ZC2HC1B: variants seen among roughly 807,000 people sequenced by gnomAD.
The protein encoded by ZC2HC1B is zinc finger C2HC domain-containing protein 1B.
In ZC2HC1B, 36 loss-of-function variants were observed where a neutral mutation model predicts 31.0. That is an observed-to-expected ratio of 1.16 (90% confidence interval 0.89 to 1.54). The LOEUF (loss-of-function observed/expected upper bound fraction) is 1.54. Ranked by LOEUF, ZC2HC1B falls within the 40% of genes most tolerant of loss-of-function variation. ZC2HC1B has a pLI of 0.00. For missense variants in ZC2HC1B, 260 were observed against 268.6 expected (o/e 0.97, Z 0.22); for synonymous variants, 73 against 88.0 (o/e 0.83, Z 0.95).
intron 1 of ZC2HC1B, among the ~76,000 whole-genome samples, chr6:143,867,975 G>A (rs1777287118): frequency 6.6e-6 from 1 of 152,196 alleles, no homozygotes; most frequent in Admixed American, 6.5e-5. Context: ...GAACTTGGAT[G>A]TCTGGAAATA....
At chr6:143,930,224 C>A (rs9484833) in intron 6 of ZC2HC1B, among the ~76,000 whole-genome samples, 80,062 of 151,516 alleles carry the variant, frequency 0.53, 22,942 homozygotes, top group African/African-American at 0.77. Flanking sequence ...GTGTTTAATG[C>A]TAATACTGCT....
chr6:143,909,373 G>T (rs1156376490), intron 6 of ZC2HC1B, among the ~76,000 whole-genome samples: 2 of 151,914 alleles, frequency 1.3e-5, no homozygotes, highest in Non-Finnish European at 2.9e-5. Context: ...CTCCAGCCTG[G>T]GTGACAGAGC....
At chr6:143,936,709 A>T (rs1355814850) in intron 6 of ZC2HC1B, among the ~76,000 whole-genome samples, 2 of 152,204 alleles carry the variant, frequency 1.3e-5, no homozygotes, top group Non-Finnish European at 2.9e-5. Context: ...TGCTTTGTAT[A>T]TTTAGTAGTG....
At position 143,895,836 on chromosome 6, in the gene ZC2HC1B, G is replaced by A. The variant is rs761541; in HGVS notation, c.350-2716G>A. ...CTGAGATCTGGCCACCATATTCCTC[G>A]AAAGAATTCATTTGGACTCTGACTT... On this transcript the variant is annotated intron_variant, in intron 4 of 7. Coordinates refer to ENST00000237275, the MANE Select transcript of ZC2HC1B (RefSeq NM_001013623.3). The surrounding 1 kb of genome is among the most constrained non-coding windows in gnomAD (Gnocchi z 4.8). 0.17 allele frequency among the ~76,000 whole-genome samples: 25,095 copies of A among 151,994 alleles called. 3,977 individuals are homozygous for A. Among genetic ancestry groups the A allele is most frequent in the African/African-American group, 0.41 (17,103 of 41,402 alleles).
intron 1 of ZC2HC1B, among the ~76,000 whole-genome samples, chr6:143,882,334 T>TATATATATATATATATATATATATA (rs1554237238): frequency 3.9e-4 from 33 of 85,504 alleles, no homozygotes; most frequent in African/African-American, 1.4e-3. Flanking sequence ...TTTATATTTT[T>TATATATATATATATATATATATATA]TATATATATA....
chr6:143,921,816 T>C lies in ZC2HC1B; in HGVS notation c.599-15833T>C, dbSNP rs528001026. ...ATGTGGTGGCACCCACTTGTAGCTC[T>C]TGCTACCCAGGAGACTGAGGTGGGA... On this transcript the variant is annotated intron_variant, in intron 6 of 7. Coordinates refer to ENST00000237275, the MANE Select transcript of ZC2HC1B (RefSeq NM_001013623.3). This position sits in a 1 kb window ranked among gnomAD's most constrained non-coding sequence, Gnocchi z 6.1. Among the ~76,000 whole-genome samples, 1 of 152,248 alleles carries C rather than the reference T, an allele frequency of 6.6e-6. No individual in the cohort carries two copies. Among genetic ancestry groups the C allele is most frequent in the East Asian group, 1.9e-4 (1 of 5,170 alleles).
chr6:143,920,906 C>CAAAAA (rs59847897), intron 6 of ZC2HC1B, among the ~76,000 whole-genome samples: 3 of 91,470 alleles, frequency 3.3e-5, no homozygotes, highest in Non-Finnish European at 7.3e-5. Context: ...GACTCCGTCT[C>CAAAAA]AAAAAAAAAA....
intron 6 of ZC2HC1B, among the ~76,000 whole-genome samples, chr6:143,931,859 T>G (rs1562349858): frequency 1.3e-5 from 1 of 78,110 alleles, no homozygotes; most frequent in African/African-American, 7.4e-5. Flanking sequence ...CTTCTTCTTC[T>G]TCTTCTTTTT....
chr6:143,873,576 A>G (rs1273130770), intron 1 of ZC2HC1B, among the ~76,000 whole-genome samples: 1 of 152,210 alleles, frequency 6.6e-6, no homozygotes, highest in Non-Finnish European at 1.5e-5. Flanking sequence ...AGGCGTTTCC[A>G]TACATCTTCT....
intron 6 of ZC2HC1B, among the ~76,000 whole-genome samples, chr6:143,937,438 G>A (rs1778191332): frequency 6.6e-6 from 1 of 152,058 alleles, no homozygotes; most frequent in African/African-American, 2.4e-5. Flanking sequence ...GAGGAAAGAA[G>A]GCACCTGAGG....
chr6:143,905,853 A>G lies in ZC2HC1B; in HGVS notation c.598+2701A>G, dbSNP rs1562343951. Reference sequence around the variant, plus strand: ...CCTTTATTCTGTAAATGTAGTGTACATTGATCGATTTTCATGTGTTGAACC... The same window carrying G: ...CCTTTATTCTGTAAATGTAGTGTACGTTGATCGATTTTCATGTGTTGAACC... On this transcript the variant is annotated intron_variant, in intron 6 of 7. Transcript: ENST00000237275. The surrounding 1 kb of genome is among the most constrained non-coding windows in gnomAD (Gnocchi z 4.2). 6.6e-6 allele frequency among the ~76,000 whole-genome samples: 1 copy of G among 152,198 alleles called. No homozygotes were observed. Among genetic ancestry groups the G allele is most frequent in the Non-Finnish European group, 1.5e-5 (1 of 68,020 alleles).
rs1231681183 is a variant in ZC2HC1B at position 143,899,379 on chromosome 6, T to C, written c.489+688T>C. On this transcript the variant is annotated intron_variant, in intron 5 of 7. Transcript: ENST00000237275. This position sits in a 1 kb window ranked among gnomAD's most constrained non-coding sequence, Gnocchi z 5.0. ...CTGGATACTTTAAGTGTATACAGAC[T>C]GTTTATTTATTTTTGAGACAGGGGC... Among the ~76,000 whole-genome samples, 3 of 152,032 alleles carry C rather than the reference T, an allele frequency of 2.0e-5. No homozygotes were observed. Among genetic ancestry groups the C allele is most frequent in the Non-Finnish European group, 4.4e-5 (3 of 68,022 alleles).
rs1177876226 is a variant in ZC2HC1B, at chr6:143,918,209, A to C, written c.598+15057A>C. Among the ~76,000 whole-genome samples the C allele has an allele frequency of 6.6e-6, 1 of 152,170 alleles. No homozygotes were observed. The highest frequency in any genetic ancestry group is 2.1e-4 in the South Asian group (1 of 4,816). On this transcript the variant is annotated intron_variant, in intron 6 of 7. Transcript: ENST00000237275. This position sits in a 1 kb window ranked among gnomAD's most constrained non-coding sequence, Gnocchi z 4.1. ...AGAGACAGGATCTTACTTGTTGCCC[A>C]GGCTGAACTCAAGCTCCTGGGCTCA... is the stretch of plus-strand genomic sequence containing the variant.
rs993517128 is a variant in ZC2HC1B, at chr6:143,933,753, C to T, written c.599-3896C>T. On this transcript the variant is annotated intron_variant, in intron 6 of 7. Transcript: ENST00000237275. This position sits in a 1 kb window ranked among gnomAD's most constrained non-coding sequence, Gnocchi z 6.4. The stretch of plus-strand genomic sequence containing the variant: ...AGATCTAGTCCCAGGCTCTAAGTTT[C>T]CCCACTGAGGAAGCAAGCACTGCTT... 3.9e-5 allele frequency among the ~76,000 whole-genome samples: 6 copies of T among 152,174 alleles called. No homozygotes were observed. The highest frequency in any genetic ancestry group is 1.4e-4 in the African/African-American group (6 of 41,442).
intron 4 of ZC2HC1B, among the ~76,000 whole-genome samples, chr6:143,898,116 C>A (rs1009633139): frequency 6.6e-6 from 1 of 152,218 alleles, no homozygotes; most frequent in Non-Finnish European, 1.5e-5. Context: ...TTGGAATAGT[C>A]TCAAACCAGA....
chr6:143,886,955 C>T lies in ZC2HC1B; in HGVS notation c.349+134C>T, dbSNP rs2065232167. 1.0e-6 allele frequency: 1 copy of T among 992,596 alleles called. No homozygotes were observed. The highest frequency in any genetic ancestry group is 2.7e-5 in the South Asian group (1 of 36,962). The allele number at this position is 992,596 out of a possible 1,614,324, so 61.5% of individuals were successfully genotyped here. A position where few individuals can be genotyped will look rare whatever the true frequency, so the allele number is the denominator to read the frequency against. The stretch of plus-strand genomic sequence containing the variant: ...TTATTAATTATATAAAAGTAAACAT[C>T]CTATTTTTTTCAATTCTGCATAAAG... On this transcript the variant is annotated intron_variant, in intron 4 of 7. Transcript: ENST00000237275. This position sits in a 1 kb window ranked among gnomAD's most constrained non-coding sequence, Gnocchi z 4.2.
chr6:143,928,154 T>C (rs148737490), intron 6 of ZC2HC1B, among the ~76,000 whole-genome samples: 12 of 152,358 alleles, frequency 7.9e-5, no homozygotes, highest in Admixed American at 7.2e-4. Flanking sequence ...TATTTGTAAT[T>C]GGTGCATTAG....
rs1275198897 is a variant in ZC2HC1B at position 143,922,663 on chromosome 6, CT to C, written c.599-14979del. ...TTGCTGCAAATGACAGGATATCATT[CT>C]TTTTTTGTGGCTGAATAGTATTCCA... On this transcript the variant is annotated intron_variant, in intron 6 of 7. Transcript: ENST00000237275. This position sits in a 1 kb window ranked among gnomAD's most constrained non-coding sequence, Gnocchi z 5.0. Among the ~76,000 whole-genome samples, 28 of 152,192 alleles carry C rather than the reference CT, an allele frequency of 1.8e-4. No individual in the cohort carries two copies. The highest frequency in any genetic ancestry group is 6.0e-4 in the African/African-American group (25 of 41,544).
At chr6:143,909,579 A>G (rs1777836035) in intron 6 of ZC2HC1B, among the ~76,000 whole-genome samples, 1 of 144,978 alleles carries the variant, frequency 6.9e-6, no homozygotes, top group South Asian at 2.2e-4. Flanking sequence ...TTCTGCCTCA[A>G]TTTCAGAACT....
Sources: allele counts gnomAD v4.1 joint callset (sites outside exome capture counted in the v4.1 genomes callset), GRCh38; gene constraint gnomAD v4.1.1; non-coding constraint Gnocchi (gnomAD v3.1); transcripts MANE v1.5; gene names NCBI Gene and HGNC (gene_info 2026-07-23, HGNC 2026-07-21).